SYCP2: variants seen among roughly 807,000 people sequenced by gnomAD.
SYCP2 encodes synaptonemal complex lateral element protein.
Under a neutral mutation model 211.3 loss-of-function variants are expected in SYCP2, and 55 were observed. The ratio of observed to expected loss-of-function variants is 0.26; its 90% CI spans 0.21 to 0.33. The LOEUF (loss-of-function observed/expected upper bound fraction) is 0.33. Among genes scored for constraint, SYCP2 ranks in the 10% least tolerant of loss-of-function variants. The pLI, the probability that SYCP2 is intolerant of heterozygous loss-of-function variation, is 1.00. For synonymous variants in SYCP2, 570 were observed against 555.2 expected, an observed-to-expected ratio of 1.03 and a Z score of -0.37; for missense variants, 1,731 against 1,752.0, an observed-to-expected ratio of 0.99 and a Z score of 0.21.
rs571326246 is a variant in SYCP2 at position 59,893,616 on chromosome 20, A to C, written c.1666-23T>G. The C allele has an allele frequency of 1.6e-5, 25 of 1,566,254 alleles. No homozygotes were observed. The African/African-American group carries it at 2.3e-4, about 14-fold the overall frequency. ...ATGCTGTAAACACAGGAAACAGGTT[A>C]ACGTAAACTTAAGATGTTATATGAA... is the stretch of plus-strand genomic sequence containing the variant. On this transcript the variant is annotated intron_variant, in intron 20 of 44. Transcript: ENST00000357552.
intron 18 of SYCP2, 72 bp from the exon 19 acceptor site, chr20:59,896,600 A>G (rs766267600): frequency 5.1e-5 from 41 of 804,460 alleles, no homozygotes; most frequent in Non-Finnish European, 7.3e-5. Flanking sequence ...AATTTTACTT[A>G]TAACATTTTG....
At chr20:59,893,251 G>A in intron 21 of SYCP2, 52 bp from the exon 22 acceptor site, 7 of 1,229,822 alleles carry the variant, frequency 5.7e-6, no homozygotes, top group Non-Finnish European at 8.1e-6. Flanking sequence ...CAGTTGGCAG[G>A]GGGATAGGGA....
At chr20:59,891,946 G>C (rs770859128) in intron 24 of SYCP2, 44 bp downstream of exon 24, 2 of 1,449,758 alleles carry the variant, frequency 1.4e-6, no homozygotes, top group Non-Finnish European at 1.9e-6. Flanking sequence ...TATCAAGTAG[G>C]CATCTTATGG....
At chr20:59,914,356 T>C in intron 10 of SYCP2, 105 bp from the exon 11 acceptor site, 1 of 554,744 alleles carries the variant, frequency 1.8e-6, no homozygotes, top group Non-Finnish European at 3.0e-6. Context: ...AATAAGAATA[T>C]ATTAATGTAA....
At chr20:59,867,495 C>T (rs1168798220) in intron 39 of SYCP2, among the ~76,000 whole-genome samples, 1 of 146,454 alleles carries the variant, frequency 6.8e-6, no homozygotes, top group Admixed American at 6.8e-5. Context: ...AAACATTAAA[C>T]TGAAAAGGAA....
chr20:59,908,203 C>T (rs531399226), intron 14 of SYCP2, among the ~76,000 whole-genome samples: 3 of 152,218 alleles, frequency 2.0e-5, no homozygotes, highest in East Asian at 1.9e-4. Context: ...GAGCCAAGAT[C>T]GCACCACTGC....
Position 59,867,783 on chromosome 20 carries a change from A to C in SYCP2, c.4053T>G (p.Asn1351Lys), listed in dbSNP as rs1215149791. The C allele has an allele frequency of 6.2e-7, 1 of 1,610,084 alleles. No homozygotes were observed. The highest frequency in any genetic ancestry group is 1.3e-5 in the African/African-American group (1 of 74,698). Residue 1351 changes from asparagine to lysine, a missense_variant, in exon 39 of 45, where the codon AAT (asparagine) becomes AAG (lysine). Transcript: ENST00000357552. ...AAGTCATCTCTATCCCTGCAAATTC[A>C]TTTTGCCAGGTCTCCCAAGGAATAG... is the stretch of plus-strand genomic sequence containing the variant. ...DFSIPWETWQ[N>K]EFAGIEMTYE...
intron 35 of SYCP2, among the ~76,000 whole-genome samples, chr20:59,871,377 T>G (rs771310629): frequency 6.6e-6 from 1 of 151,718 alleles, no homozygotes; most frequent in African/African-American, 2.4e-5. Context: ...GTGTTGAGAG[T>G]GTAAGTAGGT....
chr20:59,876,540 C>CCTAT (rs1333860227), intron 33 of SYCP2, among the ~76,000 whole-genome samples: 32 of 151,700 alleles, frequency 2.1e-4, no homozygotes, highest in African/African-American at 7.7e-4. Context: ...TGTTCAGAAA[C>CCTAT]CTATCTTCAG....
chr20:59,892,493 ATTTGT>A, intron 23 of SYCP2, 67 bp from the exon 24 acceptor site: 3 of 1,508,534 alleles, frequency 2.0e-6, no homozygotes, highest in African/African-American at 1.4e-5. Context: ...AATTTGTTAA[ATTTGT>A]TTTAATACTT....
At position 59,865,412 on chromosome 20, in the gene SYCP2, C is replaced by A; in HGVS notation, c.4491G>T (p.Leu1497=). ...CCATGTCCTTAAGAAGCCTGTCTTG[C>A]AGCACTTTCATATCTTCTTTCATCA... ...MCLMKEDMKV[L]QDRLLKDMLE... is the part of the protein sequence containing the mutation. The change falls in exon 44 of 45, where the codon CTG becomes CTT. Residue 1497 remains leucine (L), a synonymous_variant. Transcript: ENST00000357552. The A allele has an allele frequency of 6.2e-7, 1 of 1,609,952 alleles. No individual in the cohort carries two copies. Among genetic ancestry groups the A allele is most frequent in the Non-Finnish European group, 8.5e-7 (1 of 1,177,994 alleles).
chr20:59,874,652 G>C (rs938303020), intron 34 of SYCP2, among the ~76,000 whole-genome samples: 1 of 151,948 alleles, frequency 6.6e-6, no homozygotes, highest in Non-Finnish European at 1.5e-5. Context: ...TTTAAGTCTT[G>C]TATTTTAACT....
At chr20:59,884,677 A>T (rs2059751846) in intron 26 of SYCP2, among the ~76,000 whole-genome samples, 1 of 152,082 alleles carries the variant, frequency 6.6e-6, no homozygotes, top group African/African-American at 2.4e-5. Flanking sequence ...CAGTGCTTGC[A>T]TACATATGTT....
intron 2 of SYCP2, among the ~76,000 whole-genome samples, chr20:59,923,874 A>C (rs963884480): frequency 2.6e-5 from 4 of 152,000 alleles, no homozygotes; most frequent in African/African-American, 9.7e-5. Context: ...AGAAAGAAAA[A>C]CAGACAACAC....
intron 24 of SYCP2, among the ~76,000 whole-genome samples, chr20:59,889,005 A>G (rs919140447): frequency 6.6e-6 from 1 of 152,084 alleles, no homozygotes; most frequent in Non-Finnish European, 1.5e-5. Flanking sequence ...GATATTCCAC[A>G]TATATGGATA....
rs73623746 is a variant in SYCP2, at chr20:59,910,381, T to A, written c.972+1369A>T. Among the ~76,000 whole-genome samples the A allele has an allele frequency of 1.7e-3, 217 of 130,938 alleles. 4 individuals carry two copies. The East Asian group carries it at 0.042, about 25-fold the overall frequency. 85.9% of individuals were successfully genotyped at this position (130,938 alleles called of 152,430 possible). The stretch of plus-strand genomic sequence containing the variant: ...GCTATAGTGTAATTGCTTATTTTTT[T>A]TTTTTTTTTTTTTTTTTTTGAGACA... On this transcript the variant is annotated intron_variant, in intron 14 of 44. Transcript: ENST00000357552.
chr20:59,928,206 G>A lies in SYCP2; in HGVS notation c.-47+3856C>T, dbSNP rs557483607. ...CAGAGGACCTTTGAGAGATTCCAGC[G>A]AGGCTCAACATAAATATCTACAGTG... is the stretch of plus-strand genomic sequence containing the variant. On this transcript the variant is annotated intron_variant, in intron 2 of 44. Coordinates refer to ENST00000357552, the MANE Select transcript of SYCP2 (RefSeq NM_014258.4). Among the ~76,000 whole-genome samples, 627 of 152,240 alleles carry A rather than the reference G, an allele frequency of 4.1e-3. 1 individual carries two copies. The highest frequency in any genetic ancestry group is 7.3e-3 in the Non-Finnish European group (494 of 68,004).
At position 59,877,483 on chromosome 20, in the gene SYCP2, C is replaced by T. The variant is rs747481045; in HGVS notation, c.3052G>A (p.Ala1018Thr). 6.7e-5 allele frequency: 108 copies of T among 1,603,486 alleles called. No homozygotes were observed. Among genetic ancestry groups the T allele is most frequent in the Non-Finnish European group, 9.0e-5 (106 of 1,177,216 alleles). ...TTATAGTTTTTTTTTGTTTTGGTTG[C>T]TTTTCGTGGAAGTCTGATTCTTCCT... ...PEGRIRLPRK[A>T]TKTKKNYKDL... Residue 1018 changes from alanine (A) to threonine (T), a missense_variant, in exon 33 of 45, where the codon GCA (alanine) becomes ACA (threonine). Coordinates refer to ENST00000357552, the MANE Select transcript of SYCP2 (RefSeq NM_014258.4).
chr20:59,899,222 G>A (rs1322785321), intron 18 of SYCP2, among the ~76,000 whole-genome samples: 1 of 152,062 alleles, frequency 6.6e-6, no homozygotes, highest in Non-Finnish European at 1.5e-5. Flanking sequence ...ATAATCACAA[G>A]CACCTTGGTT....
Sources: allele counts gnomAD v4.1 joint callset (sites outside exome capture counted in the v4.1 genomes callset), GRCh38; gene constraint gnomAD v4.1.1; transcripts MANE v1.5; gene names NCBI Gene and HGNC (gene_info 2026-07-23, HGNC 2026-07-21).